Variants in CDH23 observed in about 807,000 individuals in gnomAD.
CDH23 encodes cadherin-23.
Under a neutral mutation model 317.1 loss-of-function variants are expected in CDH23, and 189 were observed. That is an observed-to-expected ratio of 0.60 (90% CI 0.53 to 0.67). The LOEUF (loss-of-function observed/expected upper bound fraction) is 0.67. Ranked by LOEUF, CDH23 falls within the 30% of genes least tolerant of loss-of-function variation. CDH23 has a pLI of 0.00. For synonymous variants in CDH23, 1,839 were observed against 1,876.8 expected (o/e 0.98, Z 0.52); for missense variants, 4,401 against 4,592.4 (o/e 0.96, Z 1.20).
intron 9 of CDH23, among the ~76,000 whole-genome samples, chr10:71,582,237 G>A (rs1038233053): frequency 2.0e-5 from 3 of 152,204 alleles, no homozygotes; most frequent in African/African-American, 7.2e-5. Context: ...CTCTAGCTGT[G>A]CCGGCCAGTG....
At chr10:71,574,844 G>A (rs1021467300) in intron 8 of CDH23, among the ~76,000 whole-genome samples, 39 of 152,180 alleles carry the variant, frequency 2.6e-4, no homozygotes, top group African/African-American at 8.9e-4. Context: ...CTTGGCACAC[G>A]CACTGGGTGC....
rs183590797 is a variant in CDH23 at position 71,445,968 on chromosome 10, T to G, written c.68-350T>G. Among the ~76,000 whole-genome samples the G allele has an allele frequency of 5.9e-5, 9 of 152,348 alleles. No individual in the cohort carries two copies. The East Asian group carries it at 1.7e-3, about 29-fold the overall frequency. ...GAATCATTTCAATATATAATCAATG[T>G]AAAAGATCAGTGAGCTATTTTACAC... On this transcript the variant is annotated intron_variant, in intron 2 of 69. Transcript: ENST00000224721.
chr10:71,570,669 C>T (rs967808935), intron 7 of CDH23, 121 bp from the exon 8 acceptor site: 46 of 1,046,028 alleles, frequency 4.4e-5, no homozygotes, highest in African/African-American at 8.1e-5. Flanking sequence ...TGTGTGTGTG[C>T]GTGTGCATGT....
chr10:71,430,642 T>C (rs559636654), intron 1 of CDH23, among the ~76,000 whole-genome samples: 38 of 152,252 alleles, frequency 2.5e-4, no homozygotes, highest in African/African-American at 9.1e-4. Context: ...ATCCCGTCTC[T>C]ACTAAAAATA....
rs397517336 is a variant in CDH23 at position 71,779,298 on chromosome 10, A to G, written c.5219A>G (p.Asn1740Ser). The change falls in exon 41 of 70, where the codon AAT becomes AGT. Residue 1740 changes from asparagine to serine, a missense_variant. By Grantham distance (46) the Asn-to-Ser change is conservative. Around this residue, in one of 3 missense-constraint regions of CDH23, gnomAD observed 3,068 missense variants for 3,203.3 expected, o/e 0.96. Transcript: ENST00000224721. ...GTGAATGTGAATGACATCAACGACA[A>G]TGTGCCTACCTTCCCCCGGGACTAT... ...VLVNVNDIND[N>S]VPTFPRDYEG... 7 of 1,613,972 alleles carry G rather than the reference A, an allele frequency of 4.3e-6. No individual in the cohort carries two copies. The highest frequency in any genetic ancestry group is 8.5e-7 in the Non-Finnish European group (1 of 1,179,874).
At chr10:71,715,783 C>T (rs1320828535) in intron 28 of CDH23, 14 of 653,736 alleles carry the variant, frequency 2.1e-5, no homozygotes, top group Non-Finnish European at 3.1e-5. Flanking sequence ...GGAAAGGGCG[C>T]TGGCCTGGGC....
chr10:71,757,873 C>G (rs1840191174), intron 38 of CDH23, among the ~76,000 whole-genome samples: 2 of 152,178 alleles, frequency 1.3e-5, no homozygotes, highest in African/African-American at 4.8e-5. Context: ...AGATGAGCTG[C>G]CTAGACCCCT....
At chr10:71,564,874 A>G (rs1215593398) in intron 6 of CDH23, among the ~76,000 whole-genome samples, 1 of 152,288 alleles carries the variant, frequency 6.6e-6, no homozygotes, top group African/African-American at 2.4e-5. Flanking sequence ...ACATAAAAGC[A>G]TAATGTTGAA....
chr10:71,424,076 C>T (rs1049325797), intron 1 of CDH23, among the ~76,000 whole-genome samples: 8 of 152,256 alleles, frequency 5.3e-5, no homozygotes, highest in East Asian at 1.9e-4. Flanking sequence ...ACACGCATCG[C>T]GTGCCAGGTG....
At chr10:71,523,878 A>G (rs183600437) in intron 6 of CDH23, among the ~76,000 whole-genome samples, 193 of 152,170 alleles carry the variant, frequency 1.3e-3, no homozygotes, top group Non-Finnish European at 2.0e-3. Flanking sequence ...CCCCTTAAAG[A>G]TTCTTTCCCC....
chr10:71,649,333 TG>T (rs919306177), intron 14 of CDH23, among the ~76,000 whole-genome samples: 1 of 152,190 alleles, frequency 6.6e-6, no homozygotes, highest in Non-Finnish European at 1.5e-5. Context: ...AAATGTTTCA[TG>T]GGGAGTTGTG....
rs370094327 is a variant in CDH23, at chr10:71,732,165, C to T, written c.3894C>T (p.Ser1298=). ...QAPPFNQGFC[S]VYITLLNELD... is the part of the protein sequence containing the mutation. ...CGCCCTTCAACCAGGGCTTCTGCAG[C>T]GTCTACATCACTCTGCTCAACGAGC... The change falls in exon 32 of 70, where the codon AGC becomes AGT. Residue 1298 remains serine (S), a synonymous_variant. Transcript: ENST00000224721. 51 of 1,614,000 alleles carry T rather than the reference C, an allele frequency of 3.2e-5. No homozygotes were observed. Among genetic ancestry groups the T allele is most frequent in the Admixed American group, 1.0e-4 (6 of 60,024 alleles).
intron 38 of CDH23, among the ~76,000 whole-genome samples, chr10:71,764,329 G>C (rs780807899): frequency 6.6e-6 from 1 of 151,990 alleles, no homozygotes; most frequent in Non-Finnish European, 1.5e-5. Context: ...GAGAACTTAC[G>C]TAACTCACTG....
rs1267137474 is a variant in CDH23 at position 71,805,940 on chromosome 10, C to T, written c.8007C>T (p.Ile2669=). The T allele has an allele frequency of 6.2e-7, 1 of 1,613,492 alleles. No individual in the cohort carries two copies. The highest frequency in any genetic ancestry group is 8.5e-7 in the Non-Finnish European group (1 of 1,179,768). Residue 2669 remains isoleucine, a synonymous_variant, in exon 56 of 70, where the codon ATC becomes ATT. Coordinates refer to ENST00000224721, the MANE Select transcript of CDH23 (RefSeq NM_022124.6). Reference sequence around the variant, plus strand: ...GGGAGTTCTTCATCATCGACCCAATCAGCGGCCTCATCCAGACTGCTCAGC... The same window carrying T: ...GGGAGTTCTTCATCATCGACCCAATTAGCGGCCTCATCCAGACTGCTCAGC... ...RDWEFFIIDP[I]SGLIQTAQRL...
chr10:71,690,392 C>A, intron 19 of CDH23, 76 bp from the exon 20 acceptor site: 2 of 1,094,972 alleles, frequency 1.8e-6, no homozygotes, highest in South Asian at 1.5e-5. Flanking sequence ...GCAAATGCTG[C>A]TCCCAGGGCT....
At chr10:71,761,776 G>A (rs749448731) in intron 38 of CDH23, 57 of 1,614,044 alleles carry the variant, frequency 3.5e-5, no homozygotes, top group South Asian at 1.3e-4. Flanking sequence ...GAGCCAGGTC[G>A]TGGCTGGTGT....
intron 9 of CDH23, among the ~76,000 whole-genome samples, chr10:71,588,978 C>G (rs1859275980): frequency 6.6e-6 from 1 of 152,208 alleles, no homozygotes; most frequent in African/African-American, 2.4e-5. Context: ...TGCCTGAGCC[C>G]TGTGCACTGC....
intron 6 of CDH23, among the ~76,000 whole-genome samples, chr10:71,561,076 CT>C (rs1309018589): frequency 6.6e-6 from 1 of 151,974 alleles, no homozygotes; most frequent in Non-Finnish European, 1.5e-5. Flanking sequence ...CTTTCTCTTG[CT>C]GCTTAATTTT....
Position 71,502,787 on chromosome 10 carries a change from T to C in CDH23, c.146-7295T>C, listed in dbSNP as rs369509808. 6.6e-5 allele frequency among the ~76,000 whole-genome samples: 10 copies of C among 152,316 alleles called. No individual in the cohort carries two copies. In the East Asian group the frequency reaches 1.4e-3, roughly 21 times the overall value. On this transcript the variant is annotated intron_variant, in intron 3 of 69. Coordinates refer to ENST00000224721, the MANE Select transcript of CDH23 (RefSeq NM_022124.6). ...CAATGGAAGGTGTGCTTTAAGGAGA[T>C]GCTGCTGCAAGGAGGGAGCAGGGTA...
Sources: gnomAD v4.1 joint callset for allele counts (sites outside exome capture counted in the v4.1 genomes callset) on GRCh38, gnomAD v4.1.1 for gene constraint, gnomAD v4.1.1 regional missense constraint, MANE v1.5 for transcripts, NCBI Gene and HGNC (gene_info 2026-07-23, HGNC 2026-07-21) for gene names.